FBXL13: variants seen among roughly 807,000 people sequenced by gnomAD.
The protein encoded by FBXL13 is F-box and leucine rich repeat protein 13.
A neutral mutation model predicts 83.6 loss-of-function variants in FBXL13; 67 were observed. The ratio of observed to expected loss-of-function variants is 0.80; its 90% CI spans 0.66 to 0.98. FBXL13 has a LOEUF of 0.98. Ranked by LOEUF, FBXL13 falls within the 50% of genes least tolerant of loss-of-function variation. The pLI, the probability that FBXL13 is intolerant of heterozygous loss-of-function variation, is 0.00. For synonymous variants in FBXL13, 272 were observed against 299.5 expected, an observed-to-expected ratio of 0.91 and a Z score of 0.95; for missense variants, 822 against 866.5, an observed-to-expected ratio of 0.95 and a Z score of 0.64.
intron 10 of FBXL13, among the ~76,000 whole-genome samples, chr7:102,921,999 T>G (rs1584949172): frequency 6.6e-6 from 1 of 152,140 alleles, no homozygotes; most frequent in East Asian, 1.9e-4. Flanking sequence ...GAGACCAGCC[T>G]GGCTAACATG....
intron 17 of FBXL13, among the ~76,000 whole-genome samples, chr7:102,843,464 A>T (rs114869536): frequency 0.011 from 1,629 of 152,094 alleles, 36 homozygotes; most frequent in African/African-American, 0.038. Flanking sequence ...AACAAAAAAC[A>T]AAAAAACCTG....
chr7:103,040,692 A>G (rs190218070), intron 2 of FBXL13, among the ~76,000 whole-genome samples: 1 of 152,340 alleles, frequency 6.6e-6, no homozygotes, highest in East Asian at 1.9e-4. Flanking sequence ...GTACAACTAC[A>G]TGGAAACTGA....
Position 103,003,290 on chromosome 7 carries a change from T to G in FBXL13, c.495+21773A>C, listed in dbSNP as rs1414765457. Among the ~76,000 whole-genome samples, 10 of 126,752 alleles carry G rather than the reference T, an allele frequency of 7.9e-5. No individual in the cohort carries two copies. The East Asian group carries it at 1.1e-3, about 13-fold the overall frequency. 83.2% of individuals were successfully genotyped at this position (126,752 alleles called of 152,430 possible). On this transcript the variant is annotated intron_variant, in intron 6 of 19. Coordinates refer to ENST00000313221, the Ensembl canonical transcript of FBXL13. ...TTGTTGTTTTGGGGTTTTTTTTTTTTTTTTTTTTTTTTTTTGAGACAGACT... is the reference window on the plus strand; with the variant it reads ...TTGTTGTTTTGGGGTTTTTTTTTTTGTTTTTTTTTTTTTTTGAGACAGACT...
intron 2 of FBXL13, among the ~76,000 whole-genome samples, chr7:103,041,715 CA>C (rs1427769340): frequency 1.3e-5 from 2 of 152,192 alleles, no homozygotes; most frequent in Non-Finnish European, 2.9e-5. Context: ...GAACCAATGA[CA>C]AAAACCACAT....
chr7:102,964,032 C>T (rs969807816), intron 7 of FBXL13, among the ~76,000 whole-genome samples: 33 of 152,122 alleles, frequency 2.2e-4, no homozygotes, highest in African/African-American at 7.7e-4. Context: ...ACAATGAGGT[C>T]GGGCACGGTG....
chr7:102,909,446 C>T (rs1814298941), intron 11 of FBXL13, among the ~76,000 whole-genome samples: 1 of 152,078 alleles, frequency 6.6e-6, no homozygotes, highest in Non-Finnish European at 1.5e-5. Context: ...GCTTTTCCCT[C>T]GCAAGCAAGA....
chr7:103,003,015 T>C (rs1474236379), intron 6 of FBXL13, among the ~76,000 whole-genome samples: 1 of 152,166 alleles, frequency 6.6e-6, no homozygotes. Context: ...TCAACTCCCT[T>C]TGAATGCCAA....
chr7:102,932,150 T>C (rs188742535), intron 8 of FBXL13, among the ~76,000 whole-genome samples: 7 of 152,328 alleles, frequency 4.6e-5, no homozygotes, highest in African/African-American at 1.4e-4. Flanking sequence ...TTGAGGATTA[T>C]AGGAGTAAGG....
chr7:102,948,478 C>G (rs1585089482), intron 8 of FBXL13, among the ~76,000 whole-genome samples: 1 of 152,018 alleles, frequency 6.6e-6, no homozygotes, highest in South Asian at 2.1e-4. Flanking sequence ...GGGTGGAGTG[C>G]AGTGGCATGA....
At chr7:103,071,183 T>G (rs1477057750) in intron 1 of FBXL13, among the ~76,000 whole-genome samples, 1 of 146,264 alleles carries the variant, frequency 6.8e-6, no homozygotes, top group African/African-American at 2.5e-5. Context: ...GCAGAAGAGA[T>G]CAAAAGAGGC....
chr7:102,860,625 T>C (rs145211456), intron 16 of FBXL13, among the ~76,000 whole-genome samples: 140 of 152,288 alleles, frequency 9.2e-4, no homozygotes, highest in Middle Eastern at 6.8e-3. Context: ...TGGAATTGTT[T>C]AGCTGATGTA....
intron 11 of FBXL13, among the ~76,000 whole-genome samples, chr7:102,898,426 A>G (rs565893477): frequency 1.3e-5 from 2 of 151,914 alleles, no homozygotes; most frequent in South Asian, 4.2e-4. Context: ...CCGCAGCCTC[A>G]GACTACAGGC....
intron 14 of FBXL13, among the ~76,000 whole-genome samples, chr7:102,880,220 G>A (rs2129458416): frequency 6.6e-6 from 1 of 152,290 alleles, no homozygotes; most frequent in East Asian, 1.9e-4. Context: ...AAGGATTGAT[G>A]TGTGTTTGAG....
chr7:102,938,384 T>C (rs1197508336), intron 8 of FBXL13, among the ~76,000 whole-genome samples: 1 of 152,222 alleles, frequency 6.6e-6, no homozygotes, highest in African/African-American at 2.4e-5. Flanking sequence ...CATTTATGTC[T>C]CTTTTCTTAC....
chr7:102,951,084 G>A (rs1823320105), intron 8 of FBXL13, among the ~76,000 whole-genome samples: 1 of 152,076 alleles, frequency 6.6e-6, no homozygotes, highest in South Asian at 2.1e-4. Context: ...TTGATAGTGG[G>A]GAGGCTATGT....
At chr7:103,003,328 C>T (rs1790632521) in intron 6 of FBXL13, among the ~76,000 whole-genome samples, 1 of 126,230 alleles carries the variant, frequency 7.9e-6, no homozygotes, top group Non-Finnish European at 1.6e-5. Context: ...CACTCTCTTG[C>T]CCAGGCTGGA....
chr7:103,032,809 C>A lies in FBXL13; in HGVS notation c.1-3391G>T, dbSNP rs534622269. Reference sequence around the variant, plus strand: ...CGTTGGATGGCTGAGGTGGGAGGATCCCTCGAGCTCACGACTTAAAGAGTA... The same window carrying A: ...CGTTGGATGGCTGAGGTGGGAGGATACCTCGAGCTCACGACTTAAAGAGTA... On this transcript the variant is annotated intron_variant, in intron 2 of 19. Coordinates refer to ENST00000313221, the Ensembl canonical transcript of FBXL13. Among the ~76,000 whole-genome samples the A allele has an allele frequency of 3.9e-5, 6 of 152,276 alleles. No homozygotes were observed. The South Asian group carries it at 1.2e-3, about 32-fold the overall frequency.
chr7:103,066,364 T>C (rs943128422), intron 1 of FBXL13, among the ~76,000 whole-genome samples: 4 of 152,072 alleles, frequency 2.6e-5, no homozygotes, highest in African/African-American at 7.2e-5. Context: ...TAAGAAACCT[T>C]ATATTTTTTG....
At chr7:102,874,226 C>T in intron 16 of FBXL13, 1 of 402,778 alleles carries the variant, frequency 2.5e-6, no homozygotes, top group Non-Finnish European at 3.4e-6. Flanking sequence ...CGTCTGTAGT[C>T]AAATTTGCAC....
Sources: gnomAD v4.1 joint callset for allele counts (sites outside exome capture counted in the v4.1 genomes callset) on GRCh38, gnomAD v4.1.1 for gene constraint, MANE v1.5 for transcripts, NCBI Gene and HGNC (gene_info 2026-07-23, HGNC 2026-07-21) for gene names.